The following PARM1 variants were observed in gnomAD, a reference collection of about 807,000 sequenced individuals.
PARM1 encodes the protein prostate androgen-regulated mucin-like protein 1.
In PARM1, 14 loss-of-function variants were observed where a neutral mutation model predicts 24.6. The observed-to-expected ratio is 0.57, with a 90% confidence interval of 0.38 to 0.89. The LOEUF (loss-of-function observed/expected upper bound fraction) is 0.89, where lower values mean the gene tolerates loss of function less well. Ranked by LOEUF, PARM1 falls within the 40% of genes least tolerant of loss-of-function variation. PARM1 has a pLI of 0.00. For synonymous variants in PARM1, 179 were observed against 156.6 expected (o/e 1.14, Z -1.07); for missense variants, 362 against 380.4 (o/e 0.95, Z 0.40).
chr4:75,032,734 C>T (rs1449983094), intron 2 of PARM1, among the ~76,000 whole-genome samples: 1 of 152,182 alleles, frequency 6.6e-6, no homozygotes, highest in African/African-American at 2.4e-5. Context: ...TTCATGGTCA[C>T]ACAGCTACTA....
intron 1 of PARM1, among the ~76,000 whole-genome samples, chr4:74,976,016 C>A (rs1402743008): frequency 6.6e-6 from 1 of 152,162 alleles, no homozygotes; most frequent in Non-Finnish European, 1.5e-5. Flanking sequence ...TTCCTACCCC[C>A]AACCAAGGGA....
chr4:74,955,238 A>C (rs182823801), intron 1 of PARM1, among the ~76,000 whole-genome samples: 1 of 152,288 alleles, frequency 6.6e-6, no homozygotes, highest in Admixed American at 6.5e-5. Context: ...AAATGAAAAA[A>C]AAAAAACTCA....
At chr4:74,949,636 T>A (rs1051816934) in intron 1 of PARM1, among the ~76,000 whole-genome samples, 1 of 152,210 alleles carries the variant, frequency 6.6e-6, no homozygotes, top group Non-Finnish European at 1.5e-5. Flanking sequence ...CTTATTTTAA[T>A]ATTGCAGTTC....
chr4:74,990,653 G>C (rs917664720), intron 1 of PARM1, among the ~76,000 whole-genome samples: 2 of 152,150 alleles, frequency 1.3e-5, no homozygotes, highest in African/African-American at 4.8e-5. Context: ...CCAGCAGAGA[G>C]TGGGATGTGA....
At position 75,036,562 on chromosome 4, in the gene PARM1, G is replaced by A. The variant is rs114314441; in HGVS notation, c.848+2601G>A. ...AAGTGGTAGACTGGAAGGAGCCCCA[G>A]GAAGACAGTCCTTGATAGATAGCTG... On this transcript the variant is annotated intron_variant, in intron 3 of 3. Coordinates refer to ENST00000307428, the MANE Select transcript of PARM1 (RefSeq NM_015393.4). Among the ~76,000 whole-genome samples the A allele has an allele frequency of 4.7e-3, 711 of 152,322 alleles. 5 individuals are homozygous for A. The highest frequency in any genetic ancestry group is 0.016 in the African/African-American group (661 of 41,576).
intron 1 of PARM1, among the ~76,000 whole-genome samples, chr4:74,968,261 C>T (rs934168797): frequency 2.0e-5 from 3 of 152,140 alleles, no homozygotes; most frequent in African/African-American, 7.2e-5. Context: ...CTTTCCCCAA[C>T]TTCTACAAAT....
At chr4:74,992,531 A>G (rs532307307) in intron 1 of PARM1, among the ~76,000 whole-genome samples, 1 of 152,260 alleles carries the variant, frequency 6.6e-6, no homozygotes, top group South Asian at 2.1e-4. Flanking sequence ...AGAAAACTGC[A>G]TCAAGGCACA....
At chr4:75,027,007 G>T (rs1056098982) in intron 2 of PARM1, among the ~76,000 whole-genome samples, 1 of 152,048 alleles carries the variant, frequency 6.6e-6, no homozygotes, top group Non-Finnish European at 1.5e-5. Context: ...TTCCTGCCTC[G>T]ATCCTCCTTT....
chr4:74,981,053 C>A (rs1310693230), intron 1 of PARM1, among the ~76,000 whole-genome samples: 4 of 152,098 alleles, frequency 2.6e-5, no homozygotes, highest in Non-Finnish European at 5.9e-5. Flanking sequence ...TAGGCACAGG[C>A]AAAGATTTCC....
intron 1 of PARM1, among the ~76,000 whole-genome samples, chr4:74,963,857 A>G (rs1176230496): frequency 2.0e-5 from 3 of 152,148 alleles, no homozygotes; most frequent in Non-Finnish European, 2.9e-5. Context: ...TACGTGCCAA[A>G]AAATAAAAAT....
At chr4:75,012,402 C>T in intron 1 of PARM1, 23 bp from the exon 2 acceptor site, 1 of 1,607,046 alleles carries the variant, frequency 6.2e-7, no homozygotes, top group Non-Finnish European at 8.5e-7. Flanking sequence ...ATATTAACCA[C>T]TTTTGTACTG....
chr4:74,952,927 A>T (rs1414949167), intron 1 of PARM1, among the ~76,000 whole-genome samples: 1 of 152,238 alleles, frequency 6.6e-6, no homozygotes, highest in Non-Finnish European at 1.5e-5. Flanking sequence ...TCTTTAAAAG[A>T]AGGAGACCAA....
intron 2 of PARM1, among the ~76,000 whole-genome samples, chr4:75,029,401 GA>G (rs2109806398): frequency 6.6e-6 from 1 of 152,048 alleles, no homozygotes; most frequent in South Asian, 2.1e-4. Context: ...TGTGTCATGG[GA>G]GGGACCCAGT....
chr4:74,977,042 T>A (rs1341200292), intron 1 of PARM1, among the ~76,000 whole-genome samples: 10 of 152,138 alleles, frequency 6.6e-5, no homozygotes, highest in African/African-American at 2.4e-4. Context: ...AAACCCTGAG[T>A]GCCTCTTCTC....
intron 1 of PARM1, among the ~76,000 whole-genome samples, chr4:74,965,729 A>G (rs1721888889): frequency 6.6e-6 from 1 of 152,172 alleles, no homozygotes; most frequent in Admixed American, 6.5e-5. Flanking sequence ...CCATCTAATC[A>G]TGGGAAAAGC....
intron 2 of PARM1, among the ~76,000 whole-genome samples, chr4:75,030,164 C>G (rs1490819838): frequency 6.6e-6 from 1 of 152,118 alleles, no homozygotes; most frequent in Non-Finnish European, 1.5e-5. Flanking sequence ...AGAAGAGTTG[C>G]TATTTAGCTA....
intron 1 of PARM1, among the ~76,000 whole-genome samples, chr4:74,979,119 G>A (rs1428041789): frequency 6.6e-6 from 1 of 150,674 alleles, no homozygotes; most frequent in African/African-American, 2.4e-5. Flanking sequence ...GAGAGGAACA[G>A]AAGGAGATAG....
intron 1 of PARM1, chr4:74,967,899 G>A (rs1445179670): frequency 6.6e-6 from 1 of 152,212 alleles, no homozygotes; most frequent in East Asian, 1.9e-4. Flanking sequence ...GGTTACTTAA[G>A]TATCCCACCA....
intron 3 of PARM1, among the ~76,000 whole-genome samples, chr4:75,042,837 A>C (rs1194938693): frequency 3.3e-5 from 5 of 152,120 alleles, no homozygotes; most frequent in African/African-American, 1.2e-4. Flanking sequence ...AATGTGGTAA[A>C]TAAGCCCTAT....
Sources: allele counts gnomAD v4.1 joint callset (sites outside exome capture counted in the v4.1 genomes callset), GRCh38; gene constraint gnomAD v4.1.1; transcripts MANE v1.5; gene names NCBI Gene and HGNC (gene_info 2026-07-23, HGNC 2026-07-21).